GLIS1: variants seen among roughly 807,000 people sequenced by gnomAD.
GLIS1 encodes zinc finger protein GLIS1.
A neutral mutation model predicts 63.8 loss-of-function variants in GLIS1; 24 were observed. That is an observed-to-expected ratio of 0.38 (90% CI 0.27 to 0.53). GLIS1 has a LOEUF of 0.53. Ranked by LOEUF, GLIS1 falls within the 20% of genes least tolerant of loss-of-function variation. The pLI is 0.85. For missense variants in GLIS1, 1,036 were observed against 1,074.1 expected (o/e 0.96, Z 0.50); for synonymous variants, 450 against 482.5 (o/e 0.93, Z 0.88).
At position 53,594,186 on chromosome 1, in the gene GLIS1, G is replaced by A; in HGVS notation, c.1242C>T (p.Arg414=). 6.2e-7 allele frequency: 1 copy of A among 1,614,018 alleles called. No individual in the cohort carries two copies. Among genetic ancestry groups the A allele is most frequent in the Non-Finnish European group, 8.5e-7 (1 of 1,179,970 alleles). ...TGTAGCGGGCGTTGAAGGGCTTGTA[G>A]CGGCGCACGCAGCCAGCCCAGAAGC... ...FTCFWAGCVR[R]YKPFNARYKL... is the part of the protein sequence containing the mutation. Residue 414 remains arginine (R), a synonymous_variant, in exon 4 of 11, where the codon CGC becomes CGT. Transcript: ENST00000628545.
Position 53,526,145 on chromosome 1 carries a change from T to C in GLIS1, c.1483-1258A>G, listed in dbSNP as rs538940916. ...GGACTGCAGGGGACAGGAGAAGGAT[T>C]GGAGGAAATGACACCTCTCAGAGTG... On this transcript the variant is annotated intron_variant, in intron 5 of 10. Coordinates refer to ENST00000628545, the MANE Select transcript of GLIS1 (RefSeq NM_001367484.1). The surrounding 1 kb of genome is among the most constrained non-coding windows in gnomAD (Gnocchi z 4.4). Among the ~76,000 whole-genome samples, 3 of 152,156 alleles carry C rather than the reference T, an allele frequency of 2.0e-5. No homozygotes were observed. Among genetic ancestry groups the C allele is most frequent in the South Asian group, 4.2e-4 (2 of 4,816 alleles).
intron 2 of GLIS1, among the ~76,000 whole-genome samples, chr1:53,720,674 T>C (rs1646745020): frequency 6.6e-6 from 1 of 152,088 alleles, no homozygotes; most frequent in South Asian, 2.1e-4. Context: ...ATGTTTGGGG[T>C]GATAGATGTC....
Position 53,539,258 on chromosome 1 carries a change from ACAC to A in GLIS1, c.1321-9309_1321-9307del, listed in dbSNP as rs1451619686. On this transcript the variant is annotated intron_variant, in intron 4 of 10. Coordinates refer to ENST00000628545, the MANE Select transcript of GLIS1 (RefSeq NM_001367484.1). This position sits in a 1 kb window ranked among gnomAD's most constrained non-coding sequence, Gnocchi z 5.0. ...CACACATGGATTCACACACACACAC[ACAC>A]CAAGACCCAGAAACTCCCTCACACA... 6.8e-6 allele frequency among the ~76,000 whole-genome samples: 1 copy of A among 146,142 alleles called. No individual in the cohort carries two copies. The highest frequency in any genetic ancestry group is 2.5e-5 in the African/African-American group (1 of 39,302).
intron 2 of GLIS1, among the ~76,000 whole-genome samples, chr1:53,718,323 C>T (rs1280483655): frequency 1.3e-5 from 2 of 152,152 alleles, no homozygotes; most frequent in Non-Finnish European, 2.9e-5. Context: ...AACCAGTCTG[C>T]AGTGCTGGAG....
chr1:53,580,540 C>T (rs1310661144), intron 4 of GLIS1, among the ~76,000 whole-genome samples: 1 of 152,124 alleles, frequency 6.6e-6, no homozygotes, highest in Non-Finnish European at 1.5e-5. Flanking sequence ...AGGGGTCCTC[C>T]AAGGTGAGCT....
At chr1:53,513,053 C>A (rs1363602943) in intron 8 of GLIS1, among the ~76,000 whole-genome samples, 1 of 152,118 alleles carries the variant, frequency 6.6e-6, no homozygotes, top group Non-Finnish European at 1.5e-5. Context: ...TCTGGGTCCC[C>A]CTTTGCACCC....
chr1:53,734,111 G>A (rs1208995971), intron 2 of GLIS1: 1 of 983,356 alleles, frequency 1.0e-6, no homozygotes, highest in Non-Finnish European at 1.2e-6. Flanking sequence ...GGCATTTACA[G>A]CCATGATGGC....
At chr1:53,670,297 A>G (rs183107605) in intron 2 of GLIS1, among the ~76,000 whole-genome samples, 60 of 152,266 alleles carry the variant, frequency 3.9e-4, no homozygotes, top group African/African-American at 1.4e-3. Context: ...GAGATTTTTA[A>G]AACCTTTTGG....
chr1:53,717,495 G>C (rs1287500148), intron 2 of GLIS1, among the ~76,000 whole-genome samples: 1 of 152,088 alleles, frequency 6.6e-6, no homozygotes. Context: ...TTGCCTTTTT[G>C]GGGGGTGCCC....
Position 53,560,456 on chromosome 1 carries a change from G to A in GLIS1, c.1321-30504C>T, listed in dbSNP as rs1242963861. Among the ~76,000 whole-genome samples the A allele has an allele frequency of 1.3e-5, 2 of 152,208 alleles. No homozygotes were observed. The highest frequency in any genetic ancestry group is 4.8e-5 in the African/African-American group (2 of 41,440). ...CTGGCAGACGGACAGTTCCGGTCGGGAGATATCTGGTCCACACACGGAGCA... is the reference window on the plus strand; with the variant it reads ...CTGGCAGACGGACAGTTCCGGTCGGAAGATATCTGGTCCACACACGGAGCA... On this transcript the variant is annotated intron_variant, in intron 4 of 10. Transcript: ENST00000628545. This position sits in a 1 kb window ranked among gnomAD's most constrained non-coding sequence, Gnocchi z 4.4.
intron 4 of GLIS1, among the ~76,000 whole-genome samples, chr1:53,589,466 G>C (rs1425011782): frequency 6.6e-6 from 1 of 152,208 alleles, no homozygotes; most frequent in Admixed American, 6.5e-5. Context: ...CAGGATTATG[G>C]GGAATGACCG....
chr1:53,707,661 AG>A (rs1428178652), intron 2 of GLIS1, among the ~76,000 whole-genome samples: 1 of 152,030 alleles, frequency 6.6e-6, no homozygotes, highest in Admixed American at 6.6e-5. Context: ...AAAAAAAAAA[AG>A]AAATCAAAAC....
chr1:53,683,997 T>C (rs977522121), intron 2 of GLIS1, among the ~76,000 whole-genome samples: 4 of 152,138 alleles, frequency 2.6e-5, no homozygotes, highest in Non-Finnish European at 4.4e-5. Context: ...TAGAGTGGAA[T>C]CTTTTCCCCA....
At chr1:53,536,858 G>A (rs1557437808) in intron 4 of GLIS1, among the ~76,000 whole-genome samples, 1 of 151,938 alleles carries the variant, frequency 6.6e-6, no homozygotes, top group Non-Finnish European at 1.5e-5. Flanking sequence ...AGGAAAACCA[G>A]GTGGCACAGT....
At chr1:53,641,750 C>T (rs925269108) in intron 2 of GLIS1, among the ~76,000 whole-genome samples, 2 of 152,152 alleles carry the variant, frequency 1.3e-5, no homozygotes. Flanking sequence ...TCTTAACACG[C>T]CTTCCTGACA....
At chr1:53,606,111 T>C (rs892448932) in intron 2 of GLIS1, among the ~76,000 whole-genome samples, 2 of 152,190 alleles carry the variant, frequency 1.3e-5, no homozygotes, top group African/African-American at 4.8e-5. Context: ...GATGGCTGGC[T>C]CTTAGGATTA....
At chr1:53,544,073 G>T (rs959914578) in intron 4 of GLIS1, among the ~76,000 whole-genome samples, 1 of 152,180 alleles carries the variant, frequency 6.6e-6, no homozygotes, top group Admixed American at 6.5e-5. Context: ...TGCGCCACCC[G>T]ACTCAGAGGG....
At chr1:53,535,859 G>C (rs1644576287) in intron 4 of GLIS1, among the ~76,000 whole-genome samples, 1 of 151,990 alleles carries the variant, frequency 6.6e-6, no homozygotes, top group Non-Finnish European at 1.5e-5. Flanking sequence ...AACATGTACA[G>C]ATCCTCACCC....
intron 2 of GLIS1, among the ~76,000 whole-genome samples, chr1:53,722,821 A>G (rs1174201679): frequency 6.9e-6 from 1 of 144,338 alleles, no homozygotes; most frequent in Non-Finnish European, 1.5e-5. Context: ...CGACAGTGAG[A>G]CCCCGTCTCA....
Sources: gnomAD v4.1 joint callset for allele counts (sites outside exome capture counted in the v4.1 genomes callset) on GRCh38, gnomAD v4.1.1 for gene constraint, Gnocchi (gnomAD v3.1) non-coding constraint, MANE v1.5 for transcripts, NCBI Gene and HGNC (gene_info 2026-07-23, HGNC 2026-07-21) for gene names.